ALKBH8: variants seen among roughly 807,000 people sequenced by gnomAD.
The protein encoded by ALKBH8 is alkB homolog 8, tRNA methyltransferase.
In ALKBH8, 36 loss-of-function variants were observed where a neutral mutation model predicts 59.8. The ratio of observed to expected loss-of-function variants is 0.60; its 90% CI spans 0.46 to 0.79. ALKBH8 has a LOEUF of 0.79. ALKBH8 is among the 30% of genes least tolerant of loss of function. The pLI, the probability that ALKBH8 is intolerant of heterozygous loss-of-function variation, is 0.00. For missense variants in ALKBH8, 768 were observed against 801.0 expected (o/e 0.96, Z 0.50); for synonymous variants, 276 against 273.6 (o/e 1.01, Z -0.09).
intron 10 of ALKBH8, among the ~76,000 whole-genome samples, chr11:107,515,844 T>C (rs1386376708): frequency 6.6e-6 from 1 of 152,178 alleles, no homozygotes; most frequent in Non-Finnish European, 1.5e-5. Flanking sequence ...GTCAGTATGA[T>C]AGAACTTCCT....
intron 7 of ALKBH8, among the ~76,000 whole-genome samples, chr11:107,539,296 T>C (rs901146311): frequency 1.3e-5 from 2 of 152,128 alleles, no homozygotes; most frequent in African/African-American, 4.8e-5. Flanking sequence ...TCCTTTAGAA[T>C]AGGTTAAAAT....
intron 8 of ALKBH8, among the ~76,000 whole-genome samples, chr11:107,531,437 C>G (rs1336650733): frequency 6.6e-6 from 1 of 152,112 alleles, no homozygotes; most frequent in Non-Finnish European, 1.5e-5. Context: ...CATTCTATAA[C>G]ACAACCGGCC....
chr11:107,551,713 AT>A (rs1366179994), intron 6 of ALKBH8, 94 bp downstream of exon 6: 234 of 363,120 alleles, frequency 6.4e-4, no homozygotes, highest in East Asian at 1.1e-3. Flanking sequence ...AAAAATAATA[AT>A]AATAATAATA....
Position 107,522,441 on chromosome 11 carries a change from A to T in ALKBH8, c.1145T>A (p.Ile382Asn). Residue 382 changes from isoleucine (I) to asparagine (N), a missense_variant, in exon 10 of 12, where the codon ATT becomes AAT. Physicochemically the swap from Ile to Asn is moderately radical, Grantham distance 149 (BLOSUM62 -3). Transcript: ENST00000428149. Reference protein sequence around the residue: ...QEYVHQVYEEIAGHFSSTRHT... With the variant: ...QEYVHQVYEENAGHFSSTRHT... ...TCTTGTGCTGCTGAAGTGCCCAGCA[A>T]TCTCTTCATAAACCTGATGGACGTA... 6.4e-7 allele frequency: 1 copy of T among 1,551,784 alleles called. No homozygotes were observed.
intron 7 of ALKBH8, among the ~76,000 whole-genome samples, chr11:107,535,688 G>T (rs1034450285): frequency 2.0e-5 from 3 of 151,828 alleles, no homozygotes; most frequent in African/African-American, 7.3e-5. Context: ...ATGGAGTATG[G>T]GCTTAAGCAA....
chr11:107,516,281 G>T (rs555439204), intron 10 of ALKBH8, among the ~76,000 whole-genome samples: 1 of 151,958 alleles, frequency 6.6e-6, no homozygotes, highest in Non-Finnish European at 1.5e-5. Context: ...TGTTCATTAC[G>T]GTGTTATTTA....
At chr11:107,544,161 C>T (rs1234918499) in intron 7 of ALKBH8, among the ~76,000 whole-genome samples, 4 of 152,146 alleles carry the variant, frequency 2.6e-5, no homozygotes, top group African/African-American at 9.7e-5. Context: ...TGATATAATG[C>T]TGCTTTCTTG....
At chr11:107,512,405 C>T (rs1862673688) in intron 10 of ALKBH8, among the ~76,000 whole-genome samples, 2 of 152,112 alleles carry the variant, frequency 1.3e-5, no homozygotes, top group South Asian at 4.1e-4. Context: ...CCTCCACCTC[C>T]CAGGCCCAGG....
At chr11:107,523,608 T>C (rs2135504207) in intron 9 of ALKBH8, among the ~76,000 whole-genome samples, 1 of 149,900 alleles carries the variant, frequency 6.7e-6, no homozygotes, top group South Asian at 2.1e-4. Flanking sequence ...AATTCTTTTT[T>C]TTTTTTTTTT....
intron 2 of ALKBH8, among the ~76,000 whole-genome samples, chr11:107,560,231 G>A (rs192432410): frequency 5.3e-5 from 8 of 152,088 alleles, no homozygotes; most frequent in Admixed American, 2.0e-4. Context: ...ATTATTGTCC[G>A]CAGATAATGA....
chr11:107,529,141 C>T (rs1863471061), intron 8 of ALKBH8, among the ~76,000 whole-genome samples: 1 of 152,168 alleles, frequency 6.6e-6, no homozygotes, highest in Non-Finnish European at 1.5e-5. Flanking sequence ...CGACTTACTG[C>T]TTCGTGACTT....
rs982424005 is a variant in ALKBH8 at position 107,553,788 on chromosome 11, G to A, written c.499+59C>T. On this transcript the variant is annotated intron_variant, in intron 4 of 11. Transcript: ENST00000428149. ...TATTAATAAACCATGAAAGACAGAG[G>A]AAAGGAAGAAGAGTTTTGCAGAAAC... The A allele has an allele frequency of 8.4e-6, 13 of 1,543,684 alleles. No individual in the cohort carries two copies. The African/African-American group carries it at 1.7e-4, about 20-fold the overall frequency.
At chr11:107,546,959 C>T (rs1178131367) in intron 7 of ALKBH8, among the ~76,000 whole-genome samples, 1 of 152,012 alleles carries the variant, frequency 6.6e-6, no homozygotes, top group Non-Finnish European at 1.5e-5. Context: ...CTCATGGGAA[C>T]ACCATGAGTT....
chr11:107,554,054 C>CT (rs1864607659), intron 3 of ALKBH8, 76 bp from the exon 4 acceptor site: 3 of 1,536,804 alleles, frequency 2.0e-6, no homozygotes, highest in Non-Finnish European at 2.6e-6. Context: ...CCCAATAACT[C>CT]TTTATCAGTT....
intron 7 of ALKBH8, among the ~76,000 whole-genome samples, chr11:107,535,072 G>A (rs633192): frequency 0.042 from 6,436 of 152,176 alleles, 464 homozygotes; most frequent in African/African-American, 0.15. Flanking sequence ...AGGTTGCTGC[G>A]AATGTCATTA....
At chr11:107,518,177 C>G (rs1387548999) in intron 10 of ALKBH8, among the ~76,000 whole-genome samples, 2 of 151,922 alleles carry the variant, frequency 1.3e-5, no homozygotes, top group Non-Finnish European at 2.9e-5. Context: ...ATTGCACATT[C>G]ATTATTATAT....
In ALKBH8 at chr11:107,505,024, C is replaced by T; in HGVS notation, c.1629G>A (p.Glu543=). 1 of 1,551,762 alleles carries T rather than the reference C, an allele frequency of 6.4e-7. No individual in the cohort carries two copies. Among genetic ancestry groups the T allele is most frequent in the Non-Finnish European group, 8.7e-7 (1 of 1,146,976 alleles). The change falls in exon 12 of 12, where the codon GAG becomes GAA. Residue 543 remains glutamate, a synonymous_variant. Transcript: ENST00000428149. ...CTCGACTGCCCATGTCACGCATTTG[C>T]TCCACAAGTGACCTCTGCACTGAGG... is the stretch of plus-strand genomic sequence containing the variant. ...SDTSVQRSLV[E]QMRDMGSRDS... is the part of the protein sequence containing the mutation.
intron 7 of ALKBH8, among the ~76,000 whole-genome samples, chr11:107,538,083 T>C (rs1776589741): frequency 6.6e-6 from 1 of 152,130 alleles, no homozygotes; most frequent in South Asian, 2.1e-4. Context: ...AAAAACACAA[T>C]TTCTTCATAT....
chr11:107,506,829 A>C (rs2135463349), intron 11 of ALKBH8, among the ~76,000 whole-genome samples: 1 of 152,336 alleles, frequency 6.6e-6, no homozygotes, highest in East Asian at 1.9e-4. Context: ...ACTTCCTCTG[A>C]AACTCTGAAG....
Sources: allele counts gnomAD v4.1 joint callset (sites outside exome capture counted in the v4.1 genomes callset), GRCh38; gene constraint gnomAD v4.1.1; transcripts MANE v1.5; gene names NCBI Gene and HGNC (gene_info 2026-07-23, HGNC 2026-07-21).